The following IMMP2L variants were observed in gnomAD, a reference collection of about 807,000 sequenced individuals.
IMMP2L encodes mitochondrial inner membrane protease subunit 2.
IMMP2L carries 18 observed loss-of-function variants against 19.3 expected under a neutral mutation model. The observed-to-expected ratio is 0.93, with a 90% CI of 0.64 to 1.38. The LOEUF (loss-of-function observed/expected upper bound fraction) is 1.38. Ranked by LOEUF, IMMP2L falls within the 40% of genes most tolerant of loss-of-function variation. The pLI, the probability that IMMP2L is intolerant of heterozygous loss-of-function variation, is 0.00. For missense variants in IMMP2L, 233 were observed against 218.2 expected (o/e 1.07, Z -0.43); for synonymous variants, 76 against 73.0 (o/e 1.04, Z -0.21).
intron 3 of IMMP2L, among the ~76,000 whole-genome samples, chr7:111,306,053 T>C (rs1822831776): frequency 6.6e-6 from 1 of 152,216 alleles, no homozygotes; most frequent in Non-Finnish European, 1.5e-5. Flanking sequence ...TTTGATATCT[T>C]TGTTTAAATA....
chr7:111,079,447 A>G (rs556157905), intron 3 of IMMP2L, among the ~76,000 whole-genome samples: 1 of 152,282 alleles, frequency 6.6e-6, no homozygotes, highest in South Asian at 2.1e-4. Flanking sequence ...TAAATCTAAT[A>G]CTATACAAAT....
At chr7:111,121,173 C>A (rs1227280902) in intron 3 of IMMP2L, among the ~76,000 whole-genome samples, 1 of 152,208 alleles carries the variant, frequency 6.6e-6, no homozygotes, top group African/African-American at 2.4e-5. Flanking sequence ...TTATCAAGGA[C>A]ATATCCTTCG....
chr7:110,965,754 G>A (rs1025952267), intron 3 of IMMP2L, among the ~76,000 whole-genome samples: 1 of 151,728 alleles, frequency 6.6e-6, no homozygotes, highest in African/African-American at 2.4e-5. Context: ...TCAAAATAAT[G>A]GATATTAAAA....
intron 3 of IMMP2L, chr7:111,411,648 A>C (rs775589920): frequency 1.2e-4 from 30 of 246,942 alleles, no homozygotes; most frequent in Middle Eastern, 1.7e-3. Flanking sequence ...AAATCTGTCC[A>C]CCATTGCATC....
At chr7:111,400,910 C>CA (rs533964061) in intron 3 of IMMP2L, among the ~76,000 whole-genome samples, 1 of 149,182 alleles carries the variant, frequency 6.7e-6, no homozygotes, top group Non-Finnish European at 1.5e-5. Flanking sequence ...GCAGTCATGC[C>CA]AAAAAAGAAA....
At chr7:111,525,648 G>C (rs1846767969) in intron 1 of IMMP2L, among the ~76,000 whole-genome samples, 1 of 152,104 alleles carries the variant, frequency 6.6e-6, no homozygotes, top group African/African-American at 2.4e-5. Context: ...TCTGGAAATA[G>C]ATGGACAATG....
intron 3 of IMMP2L, among the ~76,000 whole-genome samples, chr7:111,266,389 A>G (rs916772118): frequency 6.6e-6 from 1 of 151,942 alleles, no homozygotes; most frequent in Admixed American, 6.6e-5. Context: ...TTAAAAATAC[A>G]GTAATTAGCC....
chr7:111,408,199 C>T (rs1834062923), intron 3 of IMMP2L, among the ~76,000 whole-genome samples: 1 of 149,230 alleles, frequency 6.7e-6, no homozygotes, highest in African/African-American at 2.6e-5. Flanking sequence ...CTGTAAGTAG[C>T]GTATTTAAGA....
At chr7:110,983,961 T>C (rs921168689) in intron 3 of IMMP2L, among the ~76,000 whole-genome samples, 3 of 152,028 alleles carry the variant, frequency 2.0e-5, no homozygotes, top group African/African-American at 7.2e-5. Flanking sequence ...TTATAGTCTA[T>C]AGCCCTATCT....
At chr7:110,788,107 T>C (rs1800210169) in intron 5 of IMMP2L, among the ~76,000 whole-genome samples, 1 of 150,988 alleles carries the variant, frequency 6.6e-6, no homozygotes, top group Non-Finnish European at 1.5e-5. Flanking sequence ...TCTTCCAGCC[T>C]AAAAAAAAAT....
At chr7:111,445,694 A>G (rs1470610729) in intron 3 of IMMP2L, among the ~76,000 whole-genome samples, 1 of 151,906 alleles carries the variant, frequency 6.6e-6, no homozygotes, top group African/African-American at 2.4e-5. Context: ...AGAACAGGGA[A>G]GAGGAGGAGC....
chr7:110,673,885 A>G (rs1394913501), intron 5 of IMMP2L, among the ~76,000 whole-genome samples: 1 of 152,166 alleles, frequency 6.6e-6, no homozygotes, highest in Non-Finnish European at 1.5e-5. Context: ...AGGAAGTTCC[A>G]AACTTTCTCA....
intron 3 of IMMP2L, among the ~76,000 whole-genome samples, chr7:111,166,164 G>A (rs1805793154): frequency 6.6e-6 from 1 of 151,966 alleles, no homozygotes; most frequent in South Asian, 2.1e-4. Flanking sequence ...CATAGATTAA[G>A]AAATTGATGC....
chr7:111,419,735 A>T (rs1585028873), intron 3 of IMMP2L, among the ~76,000 whole-genome samples: 2 of 151,654 alleles, frequency 1.3e-5, no homozygotes, highest in African/African-American at 2.4e-5. Context: ...CGTCAGGACC[A>T]CCGGAGACCT....
chr7:111,558,614 T>G (rs1791650762), intron 1 of IMMP2L, among the ~76,000 whole-genome samples: 1 of 152,158 alleles, frequency 6.6e-6, no homozygotes, highest in Non-Finnish European at 1.5e-5. Context: ...TACCCCTCAC[T>G]ACCTCAAAAT....
intron 3 of IMMP2L, among the ~76,000 whole-genome samples, chr7:111,391,537 T>C (rs1010998904): frequency 2.6e-5 from 4 of 152,194 alleles, no homozygotes; most frequent in African/African-American, 7.2e-5. Flanking sequence ...AAATTAGATA[T>C]GGGCAATGTT....
intron 3 of IMMP2L, among the ~76,000 whole-genome samples, chr7:111,208,152 G>C (rs948979017): frequency 1.4e-4 from 22 of 151,962 alleles, no homozygotes; most frequent in African/African-American, 5.3e-4. Flanking sequence ...TATTACTCAG[G>C]TTTGGTTTTA....
chr7:110,946,082 C>T (rs553317684), intron 4 of IMMP2L, among the ~76,000 whole-genome samples: 1 of 152,138 alleles, frequency 6.6e-6, no homozygotes, highest in Non-Finnish European at 1.5e-5. Context: ...AGGCCAAATA[C>T]GAAAACAGGT....
chr7:111,196,286 G>A (rs552287091), intron 3 of IMMP2L, among the ~76,000 whole-genome samples: 41 of 152,168 alleles, frequency 2.7e-4, no homozygotes, highest in Admixed American at 2.3e-3. Flanking sequence ...AATGCTTTAC[G>A]GTGCTAGCCT....
Sources: gnomAD v4.1 joint callset for allele counts (sites outside exome capture counted in the v4.1 genomes callset) on GRCh38, gnomAD v4.1.1 for gene constraint, MANE v1.5 for transcripts, NCBI Gene and HGNC (gene_info 2026-07-23, HGNC 2026-07-21) for gene names.